The following PDAP1 variants were observed in gnomAD, a reference collection of about 807,000 sequenced individuals.
PDAP1 encodes 28 kDa heat- and acid-stable phosphoprotein.
In PDAP1, 13 loss-of-function variants were observed where a neutral mutation model predicts 28.0. The observed-to-expected ratio is 0.46, with a 90% CI of 0.30 to 0.74. The LOEUF is 0.74. PDAP1 is among the 30% of genes least tolerant of loss of function. PDAP1 has a pLI of 0.07. For synonymous variants in PDAP1, 77 were observed against 85.1 expected (o/e 0.91, Z 0.52); for missense variants, 150 against 230.0 (o/e 0.65, Z 2.25).
Position 99,403,391 on chromosome 7 carries a change from T to G in PDAP1, c.213+7A>C, listed in dbSNP as rs1467972535. 6 of 1,551,838 alleles carry G rather than the reference T, an allele frequency of 3.9e-6. No individual in the cohort carries two copies. The African/African-American group carries it at 8.1e-5, about 21-fold the overall frequency. ...CCAGGCTCTAGGCCCTCAAAAGAAC[T>G]CAGTACCTGGTAGTCATCTTCTTCA... On this transcript the variant is annotated splice_region_variant and intron_variant, in intron 3 of 5. Coordinates refer to ENST00000350498, the MANE Select transcript of PDAP1 (RefSeq NM_014891.7).
In PDAP1 at chr7:99,408,527, GC is replaced by G; in HGVS notation, c.13+8del. ...CCAGGCCTGCGGGCCACCGGCGCCCGCCCCTCACCTCCTTTAGGCATTGCGG... is the reference window on the plus strand; with the variant it reads ...CCAGGCCTGCGGGCCACCGGCGCCCGCCCTCACCTCCTTTAGGCATTGCGG... On this transcript the variant is annotated splice_region_variant and intron_variant, in intron 1 of 5. Coordinates refer to ENST00000350498, the MANE Select transcript of PDAP1 (RefSeq NM_014891.7). 7.6e-7 allele frequency: 1 copy of G among 1,314,810 alleles called. No individual in the cohort carries two copies. 81.4% of individuals were successfully genotyped at this position (1,314,810 alleles called of 1,614,324 possible). A position where few individuals can be genotyped will look rare whatever the true frequency, so the allele number is the denominator to read the frequency against.
intron 3 of PDAP1, among the ~76,000 whole-genome samples, chr7:99,402,895 A>G (rs200702890): frequency 2.2e-4 from 28 of 127,620 alleles, no homozygotes; most frequent in African/African-American, 7.8e-4. Flanking sequence ...AAAAAAAAAA[A>G]AGAAAAGAAA....
rs1208639146 is a variant in PDAP1, at chr7:99,395,769, T to TA, written c.*912dup. The TA allele has an allele frequency of 1.3e-5, 2 of 152,356 alleles. No homozygotes were observed. The highest frequency in any genetic ancestry group is 2.9e-5 in the Non-Finnish European group (2 of 68,164). 9.4% of individuals were successfully genotyped at this position (152,356 alleles called of 1,614,324 possible). ...GGAAGGGTCCCTGCCTGCTGAGGCC[T>TA]AAGATCCTGACTTGGCTAAAGGAGG... is the stretch of plus-strand genomic sequence containing the variant. On this transcript the variant is annotated 3_prime_UTR_variant, in exon 6 of 6. Transcript: ENST00000350498.
At chr7:99,404,155 C>T (rs1346916211) in intron 2 of PDAP1, among the ~76,000 whole-genome samples, 1 of 152,184 alleles carries the variant, frequency 6.6e-6, no homozygotes, top group Non-Finnish European at 1.5e-5. Context: ...AAGGACCCCT[C>T]CCAGACCCCA....
At chr7:99,406,500 AC>A (rs1794974749) in intron 1 of PDAP1, 1 of 883,642 alleles carries the variant, frequency 1.1e-6, no homozygotes, top group Non-Finnish European at 1.4e-6. Flanking sequence ...ATGAAAACAA[AC>A]CTGACTACAC....
chr7:99,396,772 C>G (rs763321413), intron 5 of PDAP1, 32 bp from the exon 6 acceptor site: 5 of 1,569,292 alleles, frequency 3.2e-6, no homozygotes, highest in Non-Finnish European at 3.5e-6. Flanking sequence ...GGGGTTAAAA[C>G]AAAGCAACCC....
intron 1 of PDAP1, chr7:99,406,513 G>C: frequency 2.1e-6 from 2 of 934,388 alleles, no homozygotes; most frequent in Non-Finnish European, 2.6e-6. Flanking sequence ...TGACTACACA[G>C]TCTAAAAGTT....
chr7:99,398,602 G>A (rs1359168375), intron 4 of PDAP1, among the ~76,000 whole-genome samples: 1 of 152,202 alleles, frequency 6.6e-6, no homozygotes, highest in Admixed American at 6.5e-5. Flanking sequence ...TACATGGGAG[G>A]CTGAGGCAGG....
intron 4 of PDAP1, among the ~76,000 whole-genome samples, chr7:99,398,345 A>G (rs926260216): frequency 6.6e-6 from 1 of 152,204 alleles, no homozygotes; most frequent in African/African-American, 2.4e-5. Flanking sequence ...CCAGGCCAAG[A>G]GTGTTCCAGA....
chr7:99,408,047 G>A (rs1262535864), intron 1 of PDAP1, among the ~76,000 whole-genome samples: 2 of 152,086 alleles, frequency 1.3e-5, no homozygotes, highest in East Asian at 1.9e-4. Context: ...TGGCTCAAAG[G>A]AACACACCGA....
rs1381420052 is a variant in PDAP1 at position 99,395,151 on chromosome 7, T to C, written c.*1531A>G. On this transcript the variant is annotated 3_prime_UTR_variant, in exon 6 of 6. Transcript: ENST00000350498. ...AAAGGGGCTACACACTCCAGGCTGG[T>C]TGTGGAACTTTTGTTTTGAGATGGA... is the stretch of plus-strand genomic sequence containing the variant. 6.6e-6 allele frequency: 1 copy of C among 152,658 alleles called. No homozygotes were observed. The highest frequency in any genetic ancestry group is 1.5e-5 in the Non-Finnish European group (1 of 68,384). 9.5% of individuals were successfully genotyped at this position (152,658 alleles called of 1,614,324 possible).
At chr7:99,400,913 TCA>T (rs1423439772) in intron 3 of PDAP1, among the ~76,000 whole-genome samples, 1 of 152,138 alleles carries the variant, frequency 6.6e-6, no homozygotes, top group Non-Finnish European at 1.5e-5. Context: ...AGCTACTGGA[TCA>T]CACACTCTAC....
In PDAP1 at chr7:99,396,395, C is replaced by G. The variant is rs150487694; in HGVS notation, c.*287G>C. 1.5e-3 allele frequency: 729 copies of G among 490,932 alleles called. 5 individuals are homozygous for G. In the East Asian group the frequency reaches 0.028, roughly 19 times the overall value. The allele number at this position is 490,932 out of a possible 1,614,324, so 30.4% of individuals were successfully genotyped here. A position where few individuals can be genotyped will look rare whatever the true frequency, so the allele number is the denominator to read the frequency against. On this transcript the variant is annotated 3_prime_UTR_variant, in exon 6 of 6. Coordinates refer to ENST00000350498, the MANE Select transcript of PDAP1 (RefSeq NM_014891.7). ...TCTTACCCCATCTCCCAGGCACCCCCCAGCAAGGGCTCTGAATTCTAAAAA... is the reference window on the plus strand; with the variant it reads ...TCTTACCCCATCTCCCAGGCACCCCGCAGCAAGGGCTCTGAATTCTAAAAA...
At position 99,394,698 on chromosome 7, in the gene PDAP1, G is replaced by GAAAAAAAAA; in HGVS notation, c.*1975_*1983dup. 8.6e-7 allele frequency: 1 copy of GAAAAAAAAA among 1,163,608 alleles called. No homozygotes were observed. Among genetic ancestry groups the GAAAAAAAAA allele is most frequent in the Admixed American group, 5.0e-5 (1 of 20,034 alleles). The allele number at this position is 1,163,608 out of a possible 1,614,324, so 72.1% of individuals were successfully genotyped here. A position where few individuals can be genotyped will look rare whatever the true frequency, so the allele number is the denominator to read the frequency against. The stretch of plus-strand genomic sequence containing the variant: ...TTTTTCTTAAATGCTTTCATTTATT[G>GAAAAAAAAA]AAAAAAAAAAAAAATGCCCCCAAAG... On this transcript the variant is annotated 3_prime_UTR_variant, in exon 6 of 6. Coordinates refer to ENST00000350498, the MANE Select transcript of PDAP1 (RefSeq NM_014891.7).
intron 1 of PDAP1, among the ~76,000 whole-genome samples, chr7:99,407,197 A>G (rs1041076733): frequency 6.6e-6 from 1 of 152,226 alleles, no homozygotes; most frequent in African/African-American, 2.4e-5. Flanking sequence ...TGGTTTTCAG[A>G]TTAACCCAAG....
intron 5 of PDAP1, among the ~76,000 whole-genome samples, chr7:99,397,640 G>A (rs1794792442): frequency 6.6e-6 from 1 of 152,236 alleles, no homozygotes; most frequent in African/African-American, 2.4e-5. Flanking sequence ...GTGCTCTGCT[G>A]AGACTTCAAC....
chr7:99,402,530 C>T (rs988049530), intron 3 of PDAP1, among the ~76,000 whole-genome samples: 7 of 143,274 alleles, frequency 4.9e-5, no homozygotes, highest in African/African-American at 1.9e-4. Flanking sequence ...TTCACTGCAG[C>T]TTCACTCCAC....
At chr7:99,405,964 G>A (rs1190622910) in intron 1 of PDAP1, among the ~76,000 whole-genome samples, 5 of 152,268 alleles carry the variant, frequency 3.3e-5, no homozygotes, top group Admixed American at 2.6e-4. Flanking sequence ...AAAAATGTTC[G>A]CTAATATCCA....
rs751580234 is a variant in PDAP1, at chr7:99,400,410, G to A, written c.228C>T (p.Gly76=). The A allele has an allele frequency of 8.1e-6, 13 of 1,614,140 alleles. No homozygotes were observed. Among genetic ancestry groups the A allele is most frequent in the East Asian group, 4.5e-5 (2 of 44,880 alleles). The stretch of plus-strand genomic sequence containing the variant: ...TCTCGATGTCGATGAGCCCTTCAAC[G>A]CCTTTGCGCTTTTGCTAGAACAGGG... The part of the protein sequence containing the change: ...EEDDYQQKRK[G]VEGLIDIENP... Residue 76 remains glycine (G), a synonymous_variant, in exon 4 of 6, where the codon GGC becomes GGT. Coordinates refer to ENST00000350498, the MANE Select transcript of PDAP1 (RefSeq NM_014891.7).
Sources: gnomAD v4.1 joint callset for allele counts (sites outside exome capture counted in the v4.1 genomes callset) on GRCh38, gnomAD v4.1.1 for gene constraint, MANE v1.5 for transcripts, NCBI Gene and HGNC (gene_info 2026-07-23, HGNC 2026-07-21) for gene names.